SHROOM4: variants seen among roughly 807,000 people sequenced by gnomAD.
The protein encoded by SHROOM4 is shroom family member 4, also known as protein Shroom4.
In SHROOM4, 17 loss-of-function variants were observed where a neutral mutation model predicts 80.3. The observed-to-expected ratio is 0.21, with a 90% CI of 0.14 to 0.32. SHROOM4 has a LOEUF of 0.32. SHROOM4 is among the 10% of genes least tolerant of loss of function. The pLI is 1.00. For missense variants in SHROOM4, 993 were observed against 1,140.3 expected (o/e 0.87, Z 1.86); for synonymous variants, 400 against 437.5 (o/e 0.91, Z 1.07).
At chrX:50,799,127 T>G (rs1169355282) in intron 1 of SHROOM4, among the ~76,000 whole-genome samples, 2 of 112,309 alleles carry the variant, frequency 1.8e-5, no homozygotes, top group East Asian at 5.6e-4. Context: ...TAAGACAAAA[T>G]TTTCAATCTT....
rs782469218 is a variant in SHROOM4, at chrX:50,774,018, G to A, written c.117+39884C>T. Among the ~76,000 whole-genome samples the A allele has an allele frequency of 2.7e-5, 3 of 111,913 alleles. No individual in the cohort carries two copies. In the Admixed American group the frequency reaches 2.8e-4, roughly 11 times the overall value. Reference sequence around the variant, plus strand: ...CTGATGATGGTGACACCTTTTCCCTGAGGCAATGTCATCTCTCTTTTGAGG... The same window carrying A: ...CTGATGATGGTGACACCTTTTCCCTAAGGCAATGTCATCTCTCTTTTGAGG... On this transcript the variant is annotated intron_variant, in intron 1 of 8. Transcript: ENST00000376020.
At chrX:50,811,272 A>T (rs1858629415) in intron 1 of SHROOM4, among the ~76,000 whole-genome samples, 1 of 110,652 alleles carries the variant, frequency 9.0e-6, no homozygotes, top group South Asian at 3.9e-4. Context: ...GCACCACTGT[A>T]CTCCAGCCTG....
chrX:50,755,234 C>T (rs782233257), intron 1 of SHROOM4, among the ~76,000 whole-genome samples: 4 of 112,251 alleles, frequency 3.6e-5, no homozygotes, highest in African/African-American at 1.3e-4. Context: ...CAACTTGAAA[C>T]TGGCCATGGT....
chrX:50,748,690 G>C (rs1557267845), intron 1 of SHROOM4, among the ~76,000 whole-genome samples: 1 of 111,334 alleles, frequency 9.0e-6, no homozygotes, highest in Non-Finnish European at 1.9e-5. Context: ...GAAAGAACTA[G>C]TTGGTCCCCC....
chrX:50,623,806 A>C (rs185463312), intron 5 of SHROOM4, among the ~76,000 whole-genome samples: 48 of 112,498 alleles, frequency 4.3e-4, no homozygotes, highest in African/African-American at 1.5e-3. Flanking sequence ...AGTAAACAAA[A>C]TGTGATGCAT....
rs782248292 is a variant in SHROOM4 at position 50,738,197 on chromosome X, T to C, written c.118-42260A>G. 6.1e-3 allele frequency among the ~76,000 whole-genome samples: 675 copies of C among 111,034 alleles called. 9 individuals are homozygous for C. The highest frequency in any genetic ancestry group is 0.021 in the African/African-American group (640 of 30,521). Reference sequence around the variant, plus strand: ...CGTATCTCAAAATAATAAGAGCTATTTATGACAAACCCACAGCCAATATCA... The same window carrying C: ...CGTATCTCAAAATAATAAGAGCTATCTATGACAAACCCACAGCCAATATCA... On this transcript the variant is annotated intron_variant, in intron 1 of 8. Transcript: ENST00000376020.
intron 2 of SHROOM4, among the ~76,000 whole-genome samples, chrX:50,670,443 C>T (rs183367917): frequency 1.8e-5 from 2 of 111,727 alleles, no homozygotes; most frequent in Admixed American, 1.9e-4. Context: ...ATGAACTCAT[C>T]CATTTTTATG....
chrX:50,770,319 G>T (rs1279222964), intron 1 of SHROOM4, among the ~76,000 whole-genome samples: 1 of 112,286 alleles, frequency 8.9e-6, no homozygotes, highest in African/African-American at 3.2e-5. Flanking sequence ...ACACAGGTTT[G>T]CTTACAAACA....
At chrX:50,606,395 A>G (rs1218058549) in intron 6 of SHROOM4, among the ~76,000 whole-genome samples, 1 of 110,216 alleles carries the variant, frequency 9.1e-6, no homozygotes, top group Admixed American at 9.6e-5. Flanking sequence ...TCTAACCGCA[A>G]CAAGTCTCAG....
chrX:50,809,252 T>C (rs959943275), intron 1 of SHROOM4, among the ~76,000 whole-genome samples: 1 of 111,657 alleles, frequency 9.0e-6, no homozygotes, highest in East Asian at 2.8e-4. Context: ...GAACTCTCAT[T>C]GTTCACATAA....
intron 1 of SHROOM4, among the ~76,000 whole-genome samples, chrX:50,743,895 G>A (rs1312627159): frequency 1.8e-5 from 2 of 111,886 alleles, no homozygotes; most frequent in Non-Finnish European, 3.8e-5. Context: ...CATATTGGTT[G>A]ATTTTTTTTC....
At chrX:50,734,283 T>C (rs1934431508) in intron 1 of SHROOM4, among the ~76,000 whole-genome samples, 1 of 112,099 alleles carries the variant, frequency 8.9e-6, no homozygotes, top group Non-Finnish European at 1.9e-5. Flanking sequence ...AAAATTCATA[T>C]GGGACCCAGA....
intron 5 of SHROOM4, among the ~76,000 whole-genome samples, chrX:50,616,590 C>T (rs1398815156): frequency 2.7e-5 from 3 of 111,585 alleles, no homozygotes; most frequent in Admixed American, 9.5e-5. Flanking sequence ...GGGAAAACAG[C>T]TCATAATCAA....
At chrX:50,728,747 C>A (rs538833787) in intron 1 of SHROOM4, among the ~76,000 whole-genome samples, 1 of 111,951 alleles carries the variant, frequency 8.9e-6, no homozygotes, top group South Asian at 3.7e-4. Flanking sequence ...CATAAACACC[C>A]TCAACTGTGA....
In SHROOM4 at chrX:50,596,156, AT is replaced by A. The variant is rs782191701; in HGVS notation, c.*538del. The A allele has an allele frequency of 1.2e-5, 4 of 328,579 alleles. No homozygotes were observed. The highest frequency in any genetic ancestry group is 2.4e-5 in the Non-Finnish European group (4 of 169,970). 27.1% of individuals were successfully genotyped at this position (328,579 alleles called of 1,213,427 possible). A position where few individuals can be genotyped will look rare whatever the true frequency, so the allele number is the denominator to read the frequency against. On this transcript the variant is annotated 3_prime_UTR_variant, in exon 9 of 9. Transcript: ENST00000376020. ...CTGGGGGTACTCAACCTTTGCTTGC[AT>A]TTTTTTCAGTGTAATTCCTCCCTCT...
chrX:50,796,269 G>A (rs782208904), intron 1 of SHROOM4, among the ~76,000 whole-genome samples: 79 of 112,260 alleles, frequency 7.0e-4, no homozygotes, highest in African/African-American at 2.5e-3. Flanking sequence ...CAGCAGGTTA[G>A]TGTTGGTCAG....
Position 50,713,028 on chromosome X carries a change from A to T in SHROOM4, c.118-17091T>A, listed in dbSNP as rs1398729131. 2.7e-5 allele frequency among the ~76,000 whole-genome samples: 3 copies of T among 110,793 alleles called. No individual in the cohort carries two copies. In the Admixed American group the frequency reaches 2.9e-4, roughly 11 times the overall value. ...TGTTCTGCCAGGAAAGCACTGCCAAACTCTGGGTCTGGGGAAGCAACTCGA... is the reference window on the plus strand; with the variant it reads ...TGTTCTGCCAGGAAAGCACTGCCAATCTCTGGGTCTGGGGAAGCAACTCGA... On this transcript the variant is annotated intron_variant, in intron 1 of 8. Coordinates refer to ENST00000376020, the MANE Select transcript of SHROOM4 (RefSeq NM_020717.5).
chrX:50,603,770 G>C (rs782262701), intron 6 of SHROOM4, among the ~76,000 whole-genome samples: 2 of 112,159 alleles, frequency 1.8e-5, no homozygotes, highest in South Asian at 7.5e-4. Context: ...ATGCTGGCTT[G>C]GGTTTGGCCT....
At chrX:50,764,904 G>T (rs147142985) in intron 1 of SHROOM4, among the ~76,000 whole-genome samples, 3,825 of 111,927 alleles carry the variant, frequency 0.034, 164 homozygotes, top group African/African-American at 0.12. Context: ...CACATGGCTG[G>T]GGAGGCCCCA....
Sources: gnomAD v4.1 joint callset for allele counts (sites outside exome capture counted in the v4.1 genomes callset) on GRCh38, gnomAD v4.1.1 for gene constraint, MANE v1.5 for transcripts, NCBI Gene and HGNC (gene_info 2026-07-23, HGNC 2026-07-21) for gene names.